Variants in UBXN11 observed in about 807,000 individuals in gnomAD.
UBXN11 encodes the protein UBX domain-containing protein 11.
In UBXN11, 47 loss-of-function variants were observed where a neutral mutation model predicts 62.8. That is an observed-to-expected ratio of 0.75 (90% CI 0.59 to 0.95). The LOEUF is 0.95. UBXN11 is among the 40% of genes least tolerant of loss of function. The pLI, the probability that UBXN11 is intolerant of heterozygous loss-of-function variation, is 0.00. For missense variants in UBXN11, 638 were observed against 661.7 expected (o/e 0.96, Z 0.39); for synonymous variants, 294 against 267.0 (o/e 1.10, Z -0.99).
At chr1:26,292,104 T>C (rs970688701) in intron 8 of UBXN11, among the ~76,000 whole-genome samples, 10 of 152,210 alleles carry the variant, frequency 6.6e-5, no homozygotes, top group Non-Finnish European at 1.2e-4. Context: ...CCAACTGCCT[T>C]ACAGTGGGCT....
At chr1:26,314,080 G>A (rs995433705) in intron 1 of UBXN11, among the ~76,000 whole-genome samples, 1 of 151,980 alleles carries the variant, frequency 6.6e-6, no homozygotes, top group African/African-American at 2.4e-5. Flanking sequence ...GCGCCCGGCC[G>A]GTTCTTTACT....
intron 7 of UBXN11, among the ~76,000 whole-genome samples, chr1:26,295,256 C>T (rs1384681817): frequency 6.6e-6 from 1 of 151,980 alleles, no homozygotes; most frequent in Non-Finnish European, 1.5e-5. Flanking sequence ...CCTGTGGTGC[C>T]CCCTCCAATG....
chr1:26,302,925 G>A lies in UBXN11; in HGVS notation c.-35-7C>T. On this transcript the variant is annotated splice_polypyrimidine_tract_variant and splice_region_variant and intron_variant, in intron 1 of 14. Coordinates refer to ENST00000374222, the MANE Select transcript of UBXN11 (RefSeq NM_001389556.1). Reference sequence around the variant, plus strand: ...TCCAGCTGTCAGGAACTCCCTAGAGGAATGCAGGAAGTCAGCCCCTGGGGA... The same window carrying A: ...TCCAGCTGTCAGGAACTCCCTAGAGAAATGCAGGAAGTCAGCCCCTGGGGA... The A allele has an allele frequency of 6.3e-7, 1 of 1,597,132 alleles. No individual in the cohort carries two copies. Among genetic ancestry groups the A allele is most frequent in the Admixed American group, 1.7e-5 (1 of 59,440 alleles).
intron 3 of UBXN11, 150 bp from the exon 4 acceptor site, chr1:26,301,174 A>G: frequency 6.9e-7 from 1 of 1,450,456 alleles, no homozygotes; most frequent in African/African-American, 1.4e-5. Context: ...GCAAGGATCC[A>G]ACCAGAATGG....
At chr1:26,304,905 T>TG (rs1331992650) in intron 1 of UBXN11, among the ~76,000 whole-genome samples, 2 of 140,486 alleles carry the variant, frequency 1.4e-5, no homozygotes, top group African/African-American at 5.2e-5. Flanking sequence ...TCAACCTCAA[T>TG]CCCCCCACTC....
At chr1:26,314,702 T>C (rs1249020309) in intron 1 of UBXN11, among the ~76,000 whole-genome samples, 1 of 152,162 alleles carries the variant, frequency 6.6e-6, no homozygotes, top group Non-Finnish European at 1.5e-5. Flanking sequence ...GTAAGAGAAG[T>C]GACAAAATCT....
rs928265919 is a variant in UBXN11, at chr1:26,297,825, A to G, written c.300+137T>C. 18 of 986,986 alleles carry G rather than the reference A, an allele frequency of 1.8e-5. 1 individual carries two copies. Among genetic ancestry groups the G allele is most frequent in the Admixed American group, 6.8e-5 (3 of 43,946 alleles). 61.1% of individuals were successfully genotyped at this position (986,986 alleles called of 1,614,324 possible). A position where few individuals can be genotyped will look rare whatever the true frequency, so the allele number is the denominator to read the frequency against. On this transcript the variant is annotated intron_variant, in intron 5 of 14. Coordinates refer to ENST00000374222, the MANE Select transcript of UBXN11 (RefSeq NM_001389556.1). ...AGGACCTAGATCAGGCCCAGGCCAC[A>G]CCTGGTCCTCGAACTGGGCAGGTCA...
chr1:26,290,498 A>G (rs2124643793), intron 8 of UBXN11, among the ~76,000 whole-genome samples: 1 of 152,112 alleles, frequency 6.6e-6, no homozygotes, highest in East Asian at 1.9e-4. Context: ...TTCAGAGGGG[A>G]GGGAAGCGGG....
intron 4 of UBXN11, 67 bp from the exon 5 acceptor site, chr1:26,298,129 G>A: frequency 6.7e-7 from 1 of 1,496,810 alleles, no homozygotes; most frequent in Non-Finnish European, 9.1e-7. Context: ...GGGGGAGGGA[G>A]GAGGATAGGG....
At chr1:26,299,511 C>CAAA (rs71581050) in intron 4 of UBXN11, among the ~76,000 whole-genome samples, 12 of 103,096 alleles carry the variant, frequency 1.2e-4, no homozygotes, top group East Asian at 3.3e-4. Context: ...AGGCAGTCTC[C>CAAA]AAAAAAAAAA....
At chr1:26,312,979 CAAAAAAAAAAAA>C (rs55777309) in intron 1 of UBXN11, among the ~76,000 whole-genome samples, 1 of 48,152 alleles carries the variant, frequency 2.1e-5, no homozygotes, top group South Asian at 1.2e-3. Context: ...AACTCTGTCT[CAAAAAAAAAAAA>C]AAAAAAAAAA....
Position 26,282,948 on chromosome 1 carries a change from T to TCAG in UBXN11, c.1078-14_1078-12dup, listed in dbSNP as rs1288131823. Reference sequence around the variant, plus strand: ...CAATGGGCAGCAGTTCTGGAAGGTATCAGTGGAGGGTGGACAGAGCCCTAG... The same window carrying TCAG: ...CAATGGGCAGCAGTTCTGGAAGGTATCAGCAGTGGAGGGTGGACAGAGCCCTAG... On this transcript the variant is annotated splice_polypyrimidine_tract_variant and intron_variant, in intron 12 of 14. Coordinates refer to ENST00000374222, the MANE Select transcript of UBXN11 (RefSeq NM_001389556.1). 1 of 1,614,108 alleles carries TCAG rather than the reference T, an allele frequency of 6.2e-7. No individual in the cohort carries two copies. The highest frequency in any genetic ancestry group is 1.7e-5 in the Admixed American group (1 of 60,028).
upstream of UBXN11, among the ~76,000 whole-genome samples, chr1:26,308,135 G>A (rs772187348): frequency 2.0e-5 from 3 of 151,906 alleles, no homozygotes; most frequent in Non-Finnish European, 4.4e-5. Flanking sequence ...GCATGATGGC[G>A]CATGCCTGTA....
intron 7 of UBXN11, 66 bp from the exon 8 acceptor site, chr1:26,294,397 T>A: frequency 6.3e-7 from 1 of 1,587,268 alleles, no homozygotes; most frequent in South Asian, 1.1e-5. Flanking sequence ...AAAGGCAGTG[T>A]CAGCCCAAAG....
intron 1 of UBXN11, among the ~76,000 whole-genome samples, chr1:26,305,365 T>A (rs1481119065): frequency 6.6e-6 from 1 of 152,248 alleles, no homozygotes; most frequent in African/African-American, 2.4e-5. Flanking sequence ...TTCACATATT[T>A]CACCTTCTTA....
intron 12 of UBXN11, among the ~76,000 whole-genome samples, chr1:26,283,189 G>C (rs1426820156): frequency 6.6e-6 from 1 of 152,132 alleles, no homozygotes; most frequent in African/African-American, 2.4e-5. Flanking sequence ...CACAGACGAT[G>C]ATCAGGCTGG....
rs976720753 is a variant in UBXN11, at chr1:26,282,940, G to T, written c.1078-3C>A. On this transcript the variant is annotated splice_polypyrimidine_tract_variant and splice_region_variant and intron_variant, in intron 12 of 14. Transcript: ENST00000374222. ...CGGGCAGGCAATGGGCAGCAGTTCT[G>T]GAAGGTATCAGTGGAGGGTGGACAG... 1.9e-6 allele frequency: 3 copies of T among 1,614,084 alleles called. No homozygotes were observed. In the African/African-American group the frequency reaches 4.0e-5, roughly 22 times the overall value.
rs375597048 is a variant in UBXN11, at chr1:26,282,856, G to A, written c.1151+8C>T. 108 of 1,613,958 alleles carry A rather than the reference G, an allele frequency of 6.7e-5. No individual in the cohort carries two copies. In the Middle Eastern group the frequency reaches 1.3e-3, roughly 20 times the overall value. On this transcript the variant is annotated splice_region_variant and intron_variant, in intron 13 of 14. Coordinates refer to ENST00000374222, the MANE Select transcript of UBXN11 (RefSeq NM_001389556.1). Reference sequence around the variant, plus strand: ...CCCCAGGCCCTCACCTCCTCATCCCGCCCTCACCTCTCTCGCTCAGCGGCC... The same window carrying A: ...CCCCAGGCCCTCACCTCCTCATCCCACCCTCACCTCTCTCGCTCAGCGGCC...
At position 26,285,806 on chromosome 1, in the gene UBXN11, C is replaced by A. The variant is rs11579630; in HGVS notation, c.774+17G>T. 251,296 of 1,579,370 alleles carry A rather than the reference C, an allele frequency of 0.16. 21,112 individuals are homozygous for A. The highest frequency in any genetic ancestry group is 0.18 in the Middle Eastern group (1,066 of 5,882). ...GCAGGGGCACTAGAGCACCACCCCC[C>A]CCAACACCGCTCCTACCTGTGTGGA... is the stretch of plus-strand genomic sequence containing the variant. On this transcript the variant is annotated intron_variant, in intron 9 of 14. Transcript: ENST00000374222.
Sources: allele counts gnomAD v4.1 joint callset (sites outside exome capture counted in the v4.1 genomes callset), GRCh38; gene constraint gnomAD v4.1.1; transcripts MANE v1.5; gene names NCBI Gene and HGNC (gene_info 2026-07-23, HGNC 2026-07-21).